KLHL11: variants seen among roughly 807,000 people sequenced by gnomAD.
The protein encoded by KLHL11 is kelch-like protein 11.
Under a neutral mutation model 56.1 loss-of-function variants are expected in KLHL11, and 26 were observed. That is an observed-to-expected ratio of 0.46 (90% CI 0.34 to 0.64). The LOEUF (loss-of-function observed/expected upper bound fraction) is 0.64, where lower values mean the gene tolerates loss of function less well. Ranked by LOEUF, KLHL11 falls within the 30% of genes least tolerant of loss-of-function variation. The pLI, the probability that KLHL11 is intolerant of heterozygous loss-of-function variation, is 0.01. For missense variants in KLHL11, 627 were observed against 919.4 expected (o/e 0.68, Z 4.11); for synonymous variants, 338 against 345.8 (o/e 0.98, Z 0.25).
At position 41,853,958 on chromosome 17, in the gene KLHL11, C is replaced by T. The variant is rs1555622216; in HGVS notation, c.1909G>A (p.Glu637Lys). 1.2e-6 allele frequency: 2 copies of T among 1,614,164 alleles called. No homozygotes were observed. The highest frequency in any genetic ancestry group is 1.7e-6 in the Non-Finnish European group (2 of 1,180,004). Reference protein sequence around the residue: ...YRKEAYRYCAERKRWMLLPPM... With the variant: ...YRKEAYRYCAKRKRWMLLPPM... Reference sequence around the variant, plus strand: ...GGAAGAAGCATCCACCTCTTCCTCTCCGCACAATATCGGTAGGCTTCTTTC... The same window carrying T: ...GGAAGAAGCATCCACCTCTTCCTCTTCGCACAATATCGGTAGGCTTCTTTC... The change falls in exon 2 of 2, where the codon GAG becomes AAG. Residue 637 changes from glutamate (E) to lysine (K), a missense_variant. By Grantham distance (56) the Glu-to-Lys change is moderately conservative. Around this residue, in one of 4 missense-constraint regions of KLHL11, gnomAD observed 250 missense variants for 360.6 expected, o/e 0.69. Transcript: ENST00000319121.
In KLHL11 at chr17:41,852,049, C is replaced by G. The variant is rs1439764324; in HGVS notation, c.*1691G>C. Among the ~76,000 whole-genome samples the G allele has an allele frequency of 6.6e-6, 1 of 152,156 alleles. No homozygotes were observed. Among genetic ancestry groups the G allele is most frequent in the Non-Finnish European group, 1.5e-5 (1 of 68,028 alleles). Reference sequence around the variant, plus strand: ...TTTTAATTTTTATTTGAGACACCGTCTCTCTGTCACCCAAGGTAGAGTGGC... The same window carrying G: ...TTTTAATTTTTATTTGAGACACCGTGTCTCTGTCACCCAAGGTAGAGTGGC... On this transcript the variant is annotated 3_prime_UTR_variant, in exon 2 of 2. Transcript: ENST00000319121.
intron 1 of KLHL11, among the ~76,000 whole-genome samples, 161 bp from the exon 2 acceptor site, chr17:41,855,482 G>T (rs138109987): frequency 6.6e-6 from 1 of 152,054 alleles, no homozygotes; most frequent in African/African-American, 2.4e-5. Flanking sequence ...GGGTTCCAGC[G>T]ATTCTCCTGC....
At chr17:41,856,785 G>A (rs1431761773) in intron 1 of KLHL11, among the ~76,000 whole-genome samples, 3 of 152,022 alleles carry the variant, frequency 2.0e-5, no homozygotes, top group Non-Finnish European at 4.4e-5. Flanking sequence ...GGGAGGCTGA[G>A]GCAGGCAGAT....
rs1479324970 is a variant in KLHL11 at position 41,851,017 on chromosome 17, G to A, written c.*2723C>T. The A allele has an allele frequency of 1.3e-5, 2 of 151,792 alleles. No individual in the cohort carries two copies. Among genetic ancestry groups the A allele is most frequent in the African/African-American group, 4.8e-5 (2 of 41,286 alleles). 9.4% of individuals were successfully genotyped at this position (151,792 alleles called of 1,614,324 possible). A position where few individuals can be genotyped will look rare whatever the true frequency, so the allele number is the denominator to read the frequency against. ...TTTGGTATTTGATCACTAACAAGAAGATTAACTATAATGGACTAGGGAAAA... is the reference window on the plus strand; with the variant it reads ...TTTGGTATTTGATCACTAACAAGAAAATTAACTATAATGGACTAGGGAAAA... On this transcript the variant is annotated 3_prime_UTR_variant, in exon 2 of 2. Coordinates refer to ENST00000319121, the MANE Select transcript of KLHL11 (RefSeq NM_018143.3).
intron 1 of KLHL11, 22 bp downstream of exon 1, chr17:41,864,804 C>A (rs1405973315): frequency 1.1e-5 from 17 of 1,486,042 alleles, no homozygotes; most frequent in Non-Finnish European, 1.5e-5. Context: ...CCGCCCTCCG[C>A]GCTCCCGCCT....
At chr17:41,862,601 A>T (rs1485842403) in intron 1 of KLHL11, among the ~76,000 whole-genome samples, 1 of 152,066 alleles carries the variant, frequency 6.6e-6, no homozygotes, top group Non-Finnish European at 1.5e-5. Context: ...TTTTTAGTGG[A>T]GATGGGGTTT....
chr17:41,858,097 C>A lies in KLHL11; in HGVS notation c.546-2776G>T, dbSNP rs1350028613. Reference sequence around the variant, plus strand: ...CCTCCCAAAGTGCTGGGGTTACAGGCGTGAGCCACCACGCCCGGCCACACA... The same window carrying A: ...CCTCCCAAAGTGCTGGGGTTACAGGAGTGAGCCACCACGCCCGGCCACACA... On this transcript the variant is annotated intron_variant, in intron 1 of 1. Transcript: ENST00000319121. Among the ~76,000 whole-genome samples, 3 of 152,128 alleles carry A rather than the reference C, an allele frequency of 2.0e-5. No homozygotes were observed. In the East Asian group the frequency reaches 5.8e-4, roughly 29 times the overall value.
At chr17:41,855,674 ATTT>A (rs782123336) in intron 1 of KLHL11, among the ~76,000 whole-genome samples, 1 of 132,416 alleles carries the variant, frequency 7.6e-6, no homozygotes, top group Non-Finnish European at 1.6e-5. Flanking sequence ...CCCGGCCTAC[ATTT>A]TTTTTTTTTT....
In KLHL11 at chr17:41,854,241, A is replaced by G. The variant is rs955283371; in HGVS notation, c.1626T>C (p.Leu542=). The G allele has an allele frequency of 1.2e-6, 2 of 1,614,214 alleles. No homozygotes were observed. Among genetic ancestry groups the G allele is most frequent in the Non-Finnish European group, 1.7e-6 (2 of 1,180,038 alleles). ...RQWQDVESLP[L]IDNYCFFQMS... ...TTTGGAAAAAGCAGTAATTGTCAAT[A>G]AGCGGCAAAGATTCCACATCTTGCC... Residue 542 remains leucine (L), a synonymous_variant, in exon 2 of 2, where the codon CTT becomes CTC. Coordinates refer to ENST00000319121, the MANE Select transcript of KLHL11 (RefSeq NM_018143.3). The surrounding 1 kb of genome is among the most constrained non-coding windows in gnomAD (Gnocchi z 4.9).
chr17:41,855,355 T>G lies in KLHL11; in HGVS notation c.546-34A>C, dbSNP rs782763080. 5 of 1,459,382 alleles carry G rather than the reference T, an allele frequency of 3.4e-6. No individual in the cohort carries two copies. In the African/African-American group the frequency reaches 7.1e-5, roughly 21 times the overall value. 90.4% of individuals were successfully genotyped at this position (1,459,382 alleles called of 1,614,324 possible). A position where few individuals can be genotyped will look rare whatever the true frequency, so the allele number is the denominator to read the frequency against. ...AAGAAAAAGAGAAAAGATTAATTTT[T>G]CAAATGTGCATATTTTATGTGGTTA... On this transcript the variant is annotated intron_variant, in intron 1 of 1. Coordinates refer to ENST00000319121, the MANE Select transcript of KLHL11 (RefSeq NM_018143.3).
Position 41,865,419 on chromosome 17 carries a change from T to G in KLHL11, c.-49A>C, listed in dbSNP as rs1279060121. 9.3e-6 allele frequency: 11 copies of G among 1,186,578 alleles called. No individual in the cohort carries two copies. The highest frequency in any genetic ancestry group is 1.2e-5 in the Non-Finnish European group (11 of 892,732). 73.5% of individuals were successfully genotyped at this position (1,186,578 alleles called of 1,614,324 possible). ...CCACAGCCTCGGAACGATGCGGCTG[T>G]TGGTACGACACAGAGGGATTCTGGG... On this transcript the variant is annotated 5_prime_UTR_variant, in exon 1 of 2. Transcript: ENST00000319121.
Position 41,854,840 on chromosome 17 carries a change from G to A in KLHL11, c.1027C>T (p.His343Tyr). Residue 343 changes from histidine (H) to tyrosine (Y), a missense_variant, in exon 2 of 2, where the codon CAC becomes TAC. His to Tyr is a moderately conservative substitution (Grantham distance 83, BLOSUM62 2). Around this residue, in one of 4 missense-constraint regions of KLHL11, gnomAD observed 106 missense variants for 227.0 expected, o/e 0.47. Transcript: ENST00000319121. This position sits in a 1 kb window ranked among gnomAD's most constrained non-coding sequence, Gnocchi z 4.9. ...AATAGTGACACATGAGAAGTGGGGT[G>A]CTGGCATGTGCCAGATTGTATATTC... ...AENIQSGTCQ[H>Y]PTSHVSLLPR... 2 of 1,614,202 alleles carry A rather than the reference G, an allele frequency of 1.2e-6. No individual in the cohort carries two copies. Among genetic ancestry groups the A allele is most frequent in the Middle Eastern group, 1.6e-4 (1 of 6,062 alleles).
At position 41,854,847 on chromosome 17, in the gene KLHL11, T is replaced by A; in HGVS notation, c.1020A>T (p.Thr340=). The A allele has an allele frequency of 6.2e-7, 1 of 1,614,228 alleles. No individual in the cohort carries two copies. Among genetic ancestry groups the A allele is most frequent in the Non-Finnish European group, 8.5e-7 (1 of 1,180,030 alleles). The change falls in exon 2 of 2, where the codon ACA becomes ACT. Residue 340 remains threonine, a synonymous_variant. Transcript: ENST00000319121. This position sits in a 1 kb window ranked among gnomAD's most constrained non-coding sequence, Gnocchi z 4.9. ...ACACATGAGAAGTGGGGTGCTGGCA[T>A]GTGCCAGATTGTATATTCTCAGCTC... ...ALRAENIQSG[T]CQHPTSHVSL...
Position 41,855,220 on chromosome 17 carries a change from G to C in KLHL11, c.647C>G (p.Thr216Ser), listed in dbSNP as rs782657380. 4 of 1,613,802 alleles carry C rather than the reference G, an allele frequency of 2.5e-6. No homozygotes were observed. The African/African-American group carries it at 5.3e-5, about 22-fold the overall frequency. The change falls in exon 2 of 2, where the codon ACC becomes AGC. Residue 216 changes from threonine to serine, a missense_variant. Around this residue, in one of 4 missense-constraint regions of KLHL11, gnomAD observed 150 missense variants for 215.7 expected, o/e 0.70. Coordinates refer to ENST00000319121, the MANE Select transcript of KLHL11 (RefSeq NM_018143.3). ...VAIHSLAHMY[T>S]LSQLALKAAD... ...AGCCTTCAGAGCAAGTTGGCTCAGGGTGTACATGTGTGCTAAGCTATGAAT... is the reference window on the plus strand; with the variant it reads ...AGCCTTCAGAGCAAGTTGGCTCAGGCTGTACATGTGTGCTAAGCTATGAAT...
chr17:41,856,603 C>A (rs1364289105), intron 1 of KLHL11, among the ~76,000 whole-genome samples: 1 of 152,140 alleles, frequency 6.6e-6, no homozygotes, highest in Non-Finnish European at 1.5e-5. Flanking sequence ...TTTAAAAGCA[C>A]ATATACGCTG....
In KLHL11 at chr17:41,852,507, T is replaced by G. The variant is rs1480081039; in HGVS notation, c.*1233A>C. ...AACAGTTTCTTGTAGAAAAGAATAA[T>G]GGACTGGGCACGGTGGCTCATGCCT... On this transcript the variant is annotated 3_prime_UTR_variant, in exon 2 of 2. Coordinates refer to ENST00000319121, the MANE Select transcript of KLHL11 (RefSeq NM_018143.3). Among the ~76,000 whole-genome samples, 1 of 151,800 alleles carries G rather than the reference T, an allele frequency of 6.6e-6. No homozygotes were observed. Among genetic ancestry groups the G allele is most frequent in the Non-Finnish European group, 1.5e-5 (1 of 67,946 alleles).
chr17:41,857,997 T>C (rs1415084149), intron 1 of KLHL11, among the ~76,000 whole-genome samples: 5 of 152,060 alleles, frequency 3.3e-5, no homozygotes, highest in Admixed American at 6.6e-5. Context: ...GTTGTATTTT[T>C]AGTAGAAATA....
At chr17:41,857,509 G>GA (rs1247302041) in intron 1 of KLHL11, among the ~76,000 whole-genome samples, 78 of 99,000 alleles carry the variant, frequency 7.9e-4, no homozygotes, top group Admixed American at 9.8e-4. Context: ...TCTGTCTCAA[G>GA]AAAAAAAAAA....
chr17:41,858,409 T>A (rs1477403167), intron 1 of KLHL11, among the ~76,000 whole-genome samples: 12 of 26,896 alleles, frequency 4.5e-4, no homozygotes, highest in African/African-American at 6.4e-4. Context: ...TATATATTTT[T>A]TGTTGTTGTT....
Sources: allele counts gnomAD v4.1 joint callset (sites outside exome capture counted in the v4.1 genomes callset), GRCh38; gene constraint gnomAD v4.1.1; regional missense constraint gnomAD v4.1.1; non-coding constraint Gnocchi (gnomAD v3.1); transcripts MANE v1.5; gene names NCBI Gene and HGNC (gene_info 2026-07-23, HGNC 2026-07-21).